Variants in BRMS1L observed in about 807,000 individuals in gnomAD.
The protein encoded by BRMS1L is BRMS1 like transcriptional repressor.
Under a neutral mutation model 50.3 loss-of-function variants are expected in BRMS1L, and 23 were observed. The ratio of observed to expected loss-of-function variants is 0.46; its 90% CI spans 0.33 to 0.65. The LOEUF (loss-of-function observed/expected upper bound fraction) is 0.65, where lower values mean the gene tolerates loss of function less well. Ranked by LOEUF, BRMS1L falls within the 30% of genes least tolerant of loss-of-function variation. The pLI is 0.02. For synonymous variants in BRMS1L, 114 were observed against 126.9 expected (o/e 0.90, Z 0.69); for missense variants, 286 against 386.1 (o/e 0.74, Z 2.17).
At chr14:35,862,466 TAATTG>T in intron 4 of BRMS1L, 119 bp from the exon 5 acceptor site, 1 of 406,572 alleles carries the variant, frequency 2.5e-6, no homozygotes, top group Non-Finnish European at 4.4e-6. Flanking sequence ...TTAGAATTTT[TAATTG>T]AATTGAAAAA....
intron 9 of BRMS1L, 41 bp from the exon 10 acceptor site, chr14:35,870,319 C>G (rs758130400): frequency 1.7e-5 from 21 of 1,217,486 alleles, no homozygotes; most frequent in Non-Finnish European, 2.1e-5. Context: ...ATTGAGGAGA[C>G]ATTGTAATTC....
In BRMS1L at chr14:35,864,955, C is replaced by A; in HGVS notation, c.643C>A (p.Leu215Ile). 1 of 1,583,208 alleles carries A rather than the reference C, an allele frequency of 6.3e-7. No individual in the cohort carries two copies. Among genetic ancestry groups the A allele is most frequent in the Non-Finnish European group, 8.6e-7 (1 of 1,167,352 alleles). ...TCAACGTCCATATATAGTTTATATG[C>A]TACAAGATCTTGATATTCTTGAAGA... is the stretch of plus-strand genomic sequence containing the variant. Reference protein sequence around the residue: ...VVSGPYIVYMLQDLDILEDWT... With the variant: ...VVSGPYIVYMIQDLDILEDWT... The change falls in exon 7 of 10, where the codon CTA becomes ATA. Residue 215 changes from leucine to isoleucine, a missense_variant. Around this residue, in one of 5 missense-constraint regions of BRMS1L, gnomAD observed 160 missense variants for 240.6 expected, o/e 0.66. Transcript: ENST00000216807.
intron 4 of BRMS1L, among the ~76,000 whole-genome samples, chr14:35,846,964 T>C (rs76474573): frequency 5.9e-4 from 89 of 151,918 alleles, no homozygotes; most frequent in African/African-American, 2.1e-3. Context: ...TATATTGCTG[T>C]TTTTTTAAAA....
At chr14:35,856,652 C>A (rs988345751) in intron 4 of BRMS1L, among the ~76,000 whole-genome samples, 2 of 151,606 alleles carry the variant, frequency 1.3e-5, no homozygotes, top group East Asian at 1.9e-4. Flanking sequence ...TGTTCTGTCA[C>A]CCCGGGTGGA....
At chr14:35,867,791 TA>T (rs908254478) in intron 8 of BRMS1L, 114 bp from the exon 9 acceptor site, 17 of 988,654 alleles carry the variant, frequency 1.7e-5, no homozygotes, top group Admixed American at 1.2e-4. Flanking sequence ...ATTTAAGAAA[TA>T]TTTTTAGGCC....
At chr14:35,846,217 T>TCAAAA (rs71124722) in intron 4 of BRMS1L, among the ~76,000 whole-genome samples, 24,616 of 150,300 alleles carry the variant, frequency 0.16, 2,093 homozygotes, top group East Asian at 0.32. Context: ...CAAGACTCTG[T>TCAAAA]CAAAACAAAA....
At chr14:35,831,716 T>G (rs1359987494) in intron 2 of BRMS1L, among the ~76,000 whole-genome samples, 1 of 152,190 alleles carries the variant, frequency 6.6e-6, no homozygotes, top group African/African-American at 2.4e-5. Flanking sequence ...ACCCAGGAGT[T>G]GGAGACCAGC....
At chr14:35,862,163 T>C (rs911115312) in intron 4 of BRMS1L, among the ~76,000 whole-genome samples, 9 of 152,148 alleles carry the variant, frequency 5.9e-5, no homozygotes, top group Non-Finnish European at 1.2e-4. Flanking sequence ...TGCTGAGATA[T>C]TAGTGAGGCA....
intron 1 of BRMS1L, chr14:35,829,844 G>C (rs1484293449): frequency 8.0e-7 from 1 of 1,257,424 alleles, no homozygotes; most frequent in Non-Finnish European, 1.0e-6. Context: ...TTGTGCTTCA[G>C]TTATTTTGAT....
At chr14:35,834,734 T>C (rs932842627) in intron 3 of BRMS1L, 110 bp from the exon 4 acceptor site, 1 of 652,700 alleles carries the variant, frequency 1.5e-6, no homozygotes, top group Non-Finnish European at 2.2e-6. Context: ...CACTTTTCAA[T>C]TTTTTCTTGA....
chr14:35,857,531 A>T (rs1375137034), intron 4 of BRMS1L, among the ~76,000 whole-genome samples: 1 of 151,820 alleles, frequency 6.6e-6, no homozygotes, highest in Non-Finnish European at 1.5e-5. Flanking sequence ...TATATTGCCC[A>T]GCTGGTTTTG....
intron 4 of BRMS1L, among the ~76,000 whole-genome samples, chr14:35,858,944 T>G (rs1473475185): frequency 1.5e-5 from 2 of 135,022 alleles, no homozygotes; most frequent in Non-Finnish European, 3.1e-5. Flanking sequence ...ATCTTACCCA[T>G]TTTTTTTTTT....
At chr14:35,839,257 T>C (rs1297122779) in intron 4 of BRMS1L, among the ~76,000 whole-genome samples, 1 of 152,248 alleles carries the variant, frequency 6.6e-6, no homozygotes, top group Non-Finnish European at 1.5e-5. Context: ...AGTACCATGC[T>C]GTTCTGGTTA....
chr14:35,854,318 G>C (rs2078251947), intron 4 of BRMS1L, among the ~76,000 whole-genome samples: 5 of 152,094 alleles, frequency 3.3e-5, no homozygotes, highest in Admixed American at 3.3e-4. Flanking sequence ...AAGTTTAGGG[G>C]AATATAAGAT....
intron 2 of BRMS1L, among the ~76,000 whole-genome samples, chr14:35,832,434 G>A (rs1595659631): frequency 6.6e-6 from 1 of 151,626 alleles, no homozygotes. Context: ...GTGAACCCAG[G>A]AGGCGGAGCT....
intron 4 of BRMS1L, among the ~76,000 whole-genome samples, chr14:35,838,789 G>A (rs1370983725): frequency 6.6e-6 from 1 of 152,160 alleles, no homozygotes; most frequent in Non-Finnish European, 1.5e-5. Flanking sequence ...CAGATGGATA[G>A]ATTGCAAAAA....
intron 1 of BRMS1L, among the ~76,000 whole-genome samples, chr14:35,830,068 C>CT (rs930586827): frequency 3.3e-5 from 5 of 151,344 alleles, no homozygotes; most frequent in East Asian, 1.9e-4. Context: ...TTTTCTTTTT[C>CT]TTTTTTTTTC....
chr14:35,853,387 T>C (rs1238256565), intron 4 of BRMS1L, among the ~76,000 whole-genome samples: 1 of 151,904 alleles, frequency 6.6e-6, no homozygotes, highest in African/African-American at 2.4e-5. Flanking sequence ...GTGATTACTT[T>C]GATGATGATG....
At chr14:35,853,880 C>T (rs2078245841) in intron 4 of BRMS1L, among the ~76,000 whole-genome samples, 2 of 152,100 alleles carry the variant, frequency 1.3e-5, no homozygotes. Context: ...TTAGTGATTA[C>T]CCCCATACCT....
Sources: gnomAD v4.1 joint callset for allele counts (sites outside exome capture counted in the v4.1 genomes callset) on GRCh38, gnomAD v4.1.1 for gene constraint, gnomAD v4.1.1 regional missense constraint, MANE v1.5 for transcripts, NCBI Gene and HGNC (gene_info 2026-07-23, HGNC 2026-07-21) for gene names.